Variants in USP54 observed in about 807,000 individuals in gnomAD.
USP54 encodes ubiquitin specific peptidase 54.
Under a neutral mutation model 170.5 loss-of-function variants are expected in USP54, and 87 were observed. That is an observed-to-expected ratio of 0.51 (90% CI 0.43 to 0.61). The LOEUF is 0.61. Ranked by LOEUF, USP54 falls within the 20% of genes least tolerant of loss-of-function variation. The pLI is 0.00. For missense variants in USP54, 1,786 were observed against 2,047.8 expected, an observed-to-expected ratio of 0.87 and a Z score of 2.47; for synonymous variants, 655 against 742.8, an observed-to-expected ratio of 0.88 and a Z score of 1.92.
intron 20 of USP54, chr10:73,513,252 C>G (rs988212036): frequency 6.6e-6 from 1 of 151,962 alleles, no homozygotes; most frequent in African/African-American, 2.4e-5. Flanking sequence ...TTACTTGAGG[C>G]CAGGAGTTCG....
intron 20 of USP54, among the ~76,000 whole-genome samples, chr10:73,513,854 G>A (rs1456347942): frequency 6.6e-6 from 1 of 151,852 alleles, no homozygotes; most frequent in Non-Finnish European, 1.5e-5. Context: ...TTGGTCTGTC[G>A]CCCAGGTTAG....
At chr10:73,552,367 C>T (rs187919769) in intron 4 of USP54, among the ~76,000 whole-genome samples, 230 of 148,914 alleles carry the variant, frequency 1.5e-3, no homozygotes, top group Non-Finnish European at 2.3e-3. Context: ...GAGCTGAGAT[C>T]GTACCACTGC....
intron 4 of USP54, among the ~76,000 whole-genome samples, chr10:73,561,104 CAAAA>C (rs919887025): frequency 3.3e-5 from 1 of 30,490 alleles, no homozygotes. Flanking sequence ...GACTCCATCT[CAAAA>C]AAAAAAAAAA....
rs1220874082 is a variant in USP54 at position 73,534,582 on chromosome 10, C to A, written c.1315+18G>T. The A allele has an allele frequency of 6.2e-7, 1 of 1,610,700 alleles. No individual in the cohort carries two copies. The highest frequency in any genetic ancestry group is 2.2e-5 in the East Asian group (1 of 44,804). ...GGAATTGATTCAGGCAAGCAGGACC[C>A]TCTGTATAAGTCCCTACCTGTGTCC... On this transcript the variant is annotated intron_variant, in intron 12 of 23. Coordinates refer to ENST00000687698, the MANE Select transcript of USP54 (RefSeq NM_001391956.1).
chr10:73,606,411 A>G (rs1287372439), intron 1 of USP54: 1 of 152,050 alleles, frequency 6.6e-6, no homozygotes, highest in Non-Finnish European at 1.5e-5. Flanking sequence ...GGAAGGAATT[A>G]CTTGAGCCTA....
intron 7 of USP54, 82 bp downstream of exon 7, chr10:73,542,721 A>G (rs2066895366): frequency 1.4e-6 from 2 of 1,386,086 alleles, no homozygotes; most frequent in Non-Finnish European, 2.0e-6. Context: ...ACAGAGCGAG[A>G]CTCTGTCTCA....
chr10:73,612,188 C>T (rs1032224902), intron 1 of USP54, among the ~76,000 whole-genome samples: 3 of 152,126 alleles, frequency 2.0e-5, no homozygotes, highest in Non-Finnish European at 4.4e-5. Context: ...TTATTATTTA[C>T]ATATACTATT....
At chr10:73,590,181 T>C (rs370298694) in intron 1 of USP54, among the ~76,000 whole-genome samples, 1 of 152,228 alleles carries the variant, frequency 6.6e-6, no homozygotes, top group East Asian at 1.9e-4. Context: ...TTTCTACCTA[T>C]GTATAGCCGC....
intron 1 of USP54, among the ~76,000 whole-genome samples, chr10:73,587,714 T>C (rs2077687734): frequency 6.6e-6 from 1 of 152,162 alleles, no homozygotes; most frequent in Non-Finnish European, 1.5e-5. Flanking sequence ...AAAATGTGAC[T>C]AATAATAACA....
chr10:73,517,792 A>G (rs1366252331), intron 19 of USP54, 45 bp from the exon 20 acceptor site: 5 of 1,552,216 alleles, frequency 3.2e-6, no homozygotes, highest in Non-Finnish European at 4.4e-6. Context: ...CTTGACTGAC[A>G]GGAACACTTA....
At chr10:73,504,716 C>T in intron 22 of USP54, 134 bp downstream of exon 22, 1 of 1,158,512 alleles carries the variant, frequency 8.6e-7, no homozygotes, top group South Asian at 1.5e-5. Flanking sequence ...ACTGCGTGTC[C>T]TTATTTTTGC....
chr10:73,607,772 A>G (rs865934899), intron 1 of USP54, among the ~76,000 whole-genome samples: 4 of 151,514 alleles, frequency 2.6e-5, no homozygotes, highest in Middle Eastern at 3.4e-3. Context: ...CGGAGGTTGC[A>G]GTAAGCCAAG....
intron 19 of USP54, chr10:73,518,183 TCCTA>T: frequency 1.0e-6 from 1 of 985,346 alleles, no homozygotes; most frequent in Non-Finnish European, 1.2e-6. Flanking sequence ...GGGAGGCAAG[TCCTA>T]CCTGGGGTCC....
intron 10 of USP54, among the ~76,000 whole-genome samples, chr10:73,537,195 TAATTAAA>T (rs1459225087): frequency 6.6e-6 from 1 of 152,200 alleles, no homozygotes; most frequent in Non-Finnish European, 1.5e-5. Flanking sequence ...ACTGAGTTAT[TAATTAAA>T]ACATTTATAT....
intron 12 of USP54, among the ~76,000 whole-genome samples, chr10:73,533,251 A>G (rs950683368): frequency 7.9e-5 from 12 of 152,106 alleles, no homozygotes; most frequent in African/African-American, 1.2e-4. Flanking sequence ...GATTGCAGTG[A>G]GCCAAGATCG....
intron 4 of USP54, among the ~76,000 whole-genome samples, chr10:73,553,800 C>T (rs1296709864): frequency 1.3e-5 from 2 of 152,156 alleles, no homozygotes; most frequent in Non-Finnish European, 2.9e-5. Flanking sequence ...AAGAGGTCTT[C>T]CTTTTCATTC....
At chr10:73,621,331 G>C (rs573870619) in intron 1 of USP54, among the ~76,000 whole-genome samples, 1 of 150,054 alleles carries the variant, frequency 6.7e-6, no homozygotes, top group African/African-American at 2.5e-5. Flanking sequence ...GCGGGGCACA[G>C]TGGCTCACGC....
At chr10:73,552,826 CCTAGA>C (rs2069870759) in intron 4 of USP54, among the ~76,000 whole-genome samples, 1 of 152,018 alleles carries the variant, frequency 6.6e-6, no homozygotes, top group Admixed American at 6.6e-5. Flanking sequence ...ATGTATATAT[CCTAGA>C]CTAATCTCTG....
intron 1 of USP54, among the ~76,000 whole-genome samples, chr10:73,617,204 G>A (rs779236724): frequency 7.3e-5 from 11 of 150,586 alleles, no homozygotes; most frequent in Non-Finnish European, 1.5e-4. Context: ...GCTGAGGCAG[G>A]AGAATCGCTT....
Sources: allele counts gnomAD v4.1 joint callset (sites outside exome capture counted in the v4.1 genomes callset), GRCh38; gene constraint gnomAD v4.1.1; transcripts MANE v1.5; gene names NCBI Gene and HGNC (gene_info 2026-07-23, HGNC 2026-07-21).